CUX1: variants seen among roughly 807,000 people sequenced by gnomAD.
The protein encoded by CUX1 is protein CASP.
In CUX1, 31 loss-of-function variants were observed where a neutral mutation model predicts 158.8. The observed-to-expected ratio is 0.20, with a 90% CI of 0.15 to 0.26. The LOEUF is 0.26. Among genes scored for constraint, CUX1 ranks in the 10% least tolerant of loss-of-function variants. The probability of loss-of-function intolerance (pLI) is 1.00; values close to 1 mark genes in which losing one functional copy is unlikely to be tolerated. For synonymous variants in CUX1, 879 were observed against 862.1 expected (o/e 1.02, Z -0.34); for missense variants, 1,589 against 2,014.6 (o/e 0.79, Z 4.04).
rs558803472 is a variant in CUX1 at position 102,158,738 on chromosome 7, G to A, written c.723+130G>A. The A allele has an allele frequency of 1.1e-4, 87 of 796,760 alleles. 1 individual carries two copies. The Admixed American group carries it at 1.4e-3, about 13-fold the overall frequency. The allele number at this position is 796,760 out of a possible 1,614,324, so 49.4% of individuals were successfully genotyped here. ...TTTTTTACTGACAGCTTTCAACGTC[G>A]ATGCTCCTTCTGTTGTCATGAGAAG... is the stretch of plus-strand genomic sequence containing the variant. On this transcript the variant is annotated intron_variant, in intron 9 of 23. Transcript: ENST00000292535.
intron 20 of CUX1, among the ~76,000 whole-genome samples, chr7:102,214,631 C>A (rs934227131): frequency 3.3e-5 from 5 of 152,252 alleles, no homozygotes; most frequent in Admixed American, 6.5e-5. Flanking sequence ...TGCTACAGGG[C>A]AGCCCTGCCT....
At chr7:102,045,464 G>C (rs931780059) in intron 3 of CUX1, among the ~76,000 whole-genome samples, 1 of 152,246 alleles carries the variant, frequency 6.6e-6, no homozygotes, top group Non-Finnish European at 1.5e-5. Context: ...GTGGGCTGGA[G>C]CGCAGCCAAG....
intron 3 of CUX1, among the ~76,000 whole-genome samples, chr7:102,034,144 T>TTAAAAAAA (rs1231592881): frequency 6.8e-4 from 2 of 2,948 alleles, no homozygotes; most frequent in Non-Finnish European, 9.2e-4. Flanking sequence ...AGACTCCATC[T>TTAAAAAAA]CAAAAAAAAA....
chr7:101,917,055 G>A (rs1234260755), intron 2 of CUX1, among the ~76,000 whole-genome samples: 1 of 152,210 alleles, frequency 6.6e-6, no homozygotes, highest in Non-Finnish European at 1.5e-5. Flanking sequence ...CCCTTGTATG[G>A]GAAGGGGTCG....
chr7:101,908,289 G>C (rs539394078), intron 1 of CUX1, among the ~76,000 whole-genome samples: 1 of 152,196 alleles, frequency 6.6e-6, no homozygotes, highest in African/African-American at 2.4e-5. Flanking sequence ...GCACTTTCCC[G>C]CATGCACCAC....
intron 8 of CUX1, among the ~76,000 whole-genome samples, chr7:102,149,849 T>C (rs1219883792): frequency 2.0e-5 from 3 of 152,140 alleles, no homozygotes; most frequent in Non-Finnish European, 4.4e-5. Context: ...TCTCCACCGC[T>C]TCAGCAACCT....
intron 9 of CUX1, among the ~76,000 whole-genome samples, chr7:102,169,948 G>A (rs868907302): frequency 2.0e-5 from 3 of 152,128 alleles, no homozygotes; most frequent in South Asian, 4.1e-4. Context: ...CAAAAGCAGT[G>A]GCATTTACAT....
intron 15 of CUX1, chr7:102,274,028 T>C: frequency 1.9e-6 from 1 of 538,582 alleles, no homozygotes; most frequent in Non-Finnish European, 3.4e-6. Context: ...GCTGCTGAAC[T>C]CTGGCCTCAG....
At position 102,253,612 on chromosome 7, in the gene CUX1, A is replaced by G. The variant is rs1801756451; in HGVS notation, c.*4570A>G. 5.1e-6 allele frequency: 5 copies of G among 985,388 alleles called. No individual in the cohort carries two copies. The highest frequency in any genetic ancestry group is 6.0e-6 in the Non-Finnish European group (5 of 829,950). The allele number at this position is 985,388 out of a possible 1,614,324, so 61.0% of individuals were successfully genotyped here. A position where few individuals can be genotyped will look rare whatever the true frequency, so the allele number is the denominator to read the frequency against. ...ACTGAAAAATAGCAGAGCCAGGGGAACAGACGCATGTCCTTCTGGGAGTCA... is the reference window on the plus strand; with the variant it reads ...ACTGAAAAATAGCAGAGCCAGGGGAGCAGACGCATGTCCTTCTGGGAGTCA... On this transcript the variant is annotated 3_prime_UTR_variant, in exon 24 of 24. Transcript: ENST00000292535.
At chr7:101,998,473 C>T (rs754503042) in intron 2 of CUX1, among the ~76,000 whole-genome samples, 1 of 152,204 alleles carries the variant, frequency 6.6e-6, no homozygotes, top group Non-Finnish European at 1.5e-5. Context: ...TTTCCCAGCC[C>T]GGGCGGTGCC....
chr7:101,863,200 C>T (rs1797636390), intron 1 of CUX1, among the ~76,000 whole-genome samples: 1 of 152,156 alleles, frequency 6.6e-6, no homozygotes, highest in African/African-American at 2.4e-5. Context: ...TCATCAATAT[C>T]AGCTATCCAA....
chr7:102,219,577 G>A (rs782047977), intron 20 of CUX1, among the ~76,000 whole-genome samples: 1 of 152,214 alleles, frequency 6.6e-6, no homozygotes, highest in Non-Finnish European at 1.5e-5. Context: ...CCCCGCTGGC[G>A]TCAGGCATAG....
intron 1 of CUX1, among the ~76,000 whole-genome samples, chr7:101,893,331 A>G (rs752811133): frequency 5.3e-5 from 8 of 151,494 alleles, no homozygotes; most frequent in Non-Finnish European, 1.2e-4. Context: ...TTTTATTTTT[A>G]TTACTTTTTG....
intron 3 of CUX1, among the ~76,000 whole-genome samples, chr7:102,045,353 G>T (rs1381513419): frequency 6.6e-6 from 1 of 152,218 alleles, no homozygotes; most frequent in Non-Finnish European, 1.5e-5. Context: ...GGAGCCGTGC[G>T]CCTGTGGAAA....
chr7:101,825,798 T>TGTGTGTGTGTGTGTGC (rs1362738281), intron 1 of CUX1, among the ~76,000 whole-genome samples: 4 of 78,336 alleles, frequency 5.1e-5, no homozygotes, highest in Non-Finnish European at 1.0e-4. Context: ...TGTGTGTGTG[T>TGTGTGTGTGTGTGTGC]GCGCGCGCGC....
chr7:102,249,454 T>TGTGGTC lies in CUX1; in HGVS notation c.*414_*419dup. On this transcript the variant is annotated 3_prime_UTR_variant, in exon 24 of 24. Transcript: ENST00000292535. ...GTTTTCAAGGAAGAAAACGGAAATGTGTGGTCGAGCTTTTTTGTACCCTGA... is the reference window on the plus strand; with the variant it reads ...GTTTTCAAGGAAGAAAACGGAAATGTGTGGTCGTGGTCGAGCTTTTTTGTACCCTGA... The TGTGGTC allele has an allele frequency of 1.0e-6, 1 of 986,254 alleles. No individual in the cohort carries two copies. Among genetic ancestry groups the TGTGGTC allele is most frequent in the Non-Finnish European group, 1.2e-6 (1 of 830,168 alleles). 61.1% of individuals were successfully genotyped at this position (986,254 alleles called of 1,614,324 possible). A position where few individuals can be genotyped will look rare whatever the true frequency, so the allele number is the denominator to read the frequency against.
At chr7:102,007,453 CT>C (rs1041593854) in intron 2 of CUX1, among the ~76,000 whole-genome samples, 4 of 152,146 alleles carry the variant, frequency 2.6e-5, no homozygotes, top group African/African-American at 9.6e-5. Flanking sequence ...CCCTCCGCCC[CT>C]GGGTGCCAGG....
At chr7:102,172,973 A>C (rs2131713338) in intron 10 of CUX1, among the ~76,000 whole-genome samples, 1 of 133,288 alleles carries the variant, frequency 7.5e-6, no homozygotes, top group Non-Finnish European at 1.6e-5. Context: ...AGGCAGGAGA[A>C]TTGCTTGAAC....
intron 2 of CUX1, among the ~76,000 whole-genome samples, chr7:101,977,997 C>G (rs1462615323): frequency 6.6e-6 from 1 of 151,458 alleles, no homozygotes. Flanking sequence ...GTCTGAGATA[C>G]AGGCTCTCCT....
Sources: gnomAD v4.1 joint callset for allele counts (sites outside exome capture counted in the v4.1 genomes callset) on GRCh38, gnomAD v4.1.1 for gene constraint, MANE v1.5 for transcripts, NCBI Gene and HGNC (gene_info 2026-07-23, HGNC 2026-07-21) for gene names.